Variants in PRSS23 observed in about 807,000 individuals in gnomAD.
PRSS23 encodes serine protease 23.
Under a neutral mutation model 34.7 loss-of-function variants are expected in PRSS23, and 25 were observed. That is an observed-to-expected ratio of 0.72 (90% confidence interval 0.53 to 1.01). The LOEUF is 1.01. Among genes scored for constraint, PRSS23 ranks in the 50% least tolerant of loss-of-function variants. PRSS23 has a pLI of 0.00. For missense variants in PRSS23, 445 were observed against 475.6 expected (o/e 0.94, Z 0.60); for synonymous variants, 176 against 186.6 (o/e 0.94, Z 0.46).
chr11:86,791,318 A>T (rs1429012896), intron 1 of PRSS23: 1 of 152,248 alleles, frequency 6.6e-6, no homozygotes, highest in African/African-American at 2.4e-5. Flanking sequence ...CAGGGCTTTG[A>T]AGTGAAAAGA....
At chr11:86,859,816 T>C (rs1216298183) in intron 2 of PRSS23, among the ~76,000 whole-genome samples, 2 of 152,052 alleles carry the variant, frequency 1.3e-5, no homozygotes, top group Non-Finnish European at 2.9e-5. Context: ...AAGAATGTTA[T>C]GACTCCCAAT....
intron 2 of PRSS23, chr11:86,948,583 T>C (rs1032945308): frequency 6.6e-6 from 1 of 152,148 alleles, no homozygotes; most frequent in African/African-American, 2.4e-5. Flanking sequence ...TCTGATCAAA[T>C]ACACTTTGCC....
chr11:86,867,802 A>G (rs1046297365), intron 2 of PRSS23, among the ~76,000 whole-genome samples: 8 of 150,044 alleles, frequency 5.3e-5, no homozygotes, highest in Admixed American at 4.0e-4. Context: ...GCTTGAGCCC[A>G]GGAGGCTAAG....
chr11:86,824,465 T>C (rs1042426716), intron 2 of PRSS23, among the ~76,000 whole-genome samples: 10 of 151,128 alleles, frequency 6.6e-5, no homozygotes, highest in African/African-American at 2.4e-4. Context: ...TTTTTATCTT[T>C]TTTTTTTTAA....
downstream of PRSS23, among the ~76,000 whole-genome samples, chr11:86,812,815 A>G (rs970144508): frequency 7.9e-4 from 120 of 151,958 alleles, no homozygotes; most frequent in Non-Finnish European, 1.4e-3. Context: ...GAAAAAGAAA[A>G]AGAAAAAAGA....
intron 2 of PRSS23, among the ~76,000 whole-genome samples, chr11:86,887,870 A>T (rs978326600): frequency 6.6e-6 from 1 of 152,116 alleles, no homozygotes; most frequent in Non-Finnish European, 1.5e-5. Flanking sequence ...TGCCCAACAC[A>T]GTGAAAATGT....
chr11:86,951,476 G>C (rs1212432211), exon 3 of PRSS23: 1 of 1,614,088 alleles, frequency 6.2e-7, no homozygotes, highest in East Asian at 2.2e-5. Flanking sequence ...TAACTTGTCT[G>C]TCTTTGTCCC....
chr11:86,900,926 A>G (rs1369961307), intron 2 of PRSS23, among the ~76,000 whole-genome samples: 1 of 151,760 alleles, frequency 6.6e-6, no homozygotes, highest in Admixed American at 6.6e-5. Flanking sequence ...CTAGGACTAC[A>G]GGCACCCACC....
At chr11:86,840,007 G>T (rs1948435734) in intron 2 of PRSS23, among the ~76,000 whole-genome samples, 1 of 151,810 alleles carries the variant, frequency 6.6e-6, no homozygotes, top group Non-Finnish European at 1.5e-5. Flanking sequence ...ATGCCAAATT[G>T]TAAAGACATC....
upstream of PRSS23, chr11:86,800,406 G>A: frequency 2.1e-6 from 2 of 969,768 alleles, no homozygotes; most frequent in Non-Finnish European, 1.2e-6. Context: ...GCGGCGAGGG[G>A]AGGGGGGCAC....
chr11:86,834,901 T>C (rs533308368), intron 2 of PRSS23, among the ~76,000 whole-genome samples: 4 of 152,340 alleles, frequency 2.6e-5, no homozygotes, highest in Admixed American at 6.5e-5. Flanking sequence ...TATTCCATTA[T>C]CACTGACCAC....
downstream of PRSS23, among the ~76,000 whole-genome samples, chr11:86,814,060 T>C (rs1948198375): frequency 6.6e-6 from 1 of 152,198 alleles, no homozygotes; most frequent in African/African-American, 2.4e-5. Flanking sequence ...TTTGCTGAGA[T>C]GGGAAAGACT....
At chr11:86,914,749 G>A (rs1274489708) in intron 2 of PRSS23, among the ~76,000 whole-genome samples, 2 of 152,176 alleles carry the variant, frequency 1.3e-5, no homozygotes, top group Non-Finnish European at 2.9e-5. Flanking sequence ...TGATTTGAAT[G>A]TGTTAAGTTT....
At chr11:86,847,506 A>T (rs1176644787) in intron 2 of PRSS23, among the ~76,000 whole-genome samples, 1 of 152,172 alleles carries the variant, frequency 6.6e-6, no homozygotes, top group Non-Finnish European at 1.5e-5. Flanking sequence ...ATGAGCTTTC[A>T]GCACAATTAG....
chr11:86,846,335 C>T (rs1948486195), intron 2 of PRSS23, among the ~76,000 whole-genome samples: 1 of 152,072 alleles, frequency 6.6e-6, no homozygotes, highest in Admixed American at 6.6e-5. Context: ...CCTGTCCTTC[C>T]TTAGAATTTG....
intron 2 of PRSS23, among the ~76,000 whole-genome samples, chr11:86,885,353 TC>T (rs1238696831): frequency 6.6e-6 from 1 of 152,246 alleles, no homozygotes; most frequent in African/African-American, 2.4e-5. Context: ...ATTTTCTGAT[TC>T]CATAAATTAG....
chr11:86,865,474 T>C (rs1398313268), intron 2 of PRSS23, among the ~76,000 whole-genome samples: 2 of 152,234 alleles, frequency 1.3e-5, no homozygotes, highest in African/African-American at 4.8e-5. Flanking sequence ...AAATGCTAAA[T>C]CCATGTTCTG....
At chr11:86,824,415 G>A (rs984670896) in intron 2 of PRSS23, among the ~76,000 whole-genome samples, 17 of 147,684 alleles carry the variant, frequency 1.2e-4, no homozygotes, top group African/African-American at 4.2e-4. Flanking sequence ...GAACAGTGGG[G>A]TGAGGCCTTT....
At position 86,945,858 on chromosome 11, in the gene PRSS23, GAA is replaced by G. The variant is rs371128840; in HGVS notation, c.207-5357_207-5356del. The G allele has an allele frequency of 3.4e-3, 518 of 152,674 alleles. 2 individuals are homozygous for G. Among genetic ancestry groups the G allele is most frequent in the African/African-American group, 0.012 (497 of 41,528 alleles). The allele number at this position is 152,674 out of a possible 1,614,324, so 9.5% of individuals were successfully genotyped here. On this transcript the variant is annotated intron_variant, in intron 2 of 2. Transcript: ENST00000533902. ...AATTCATTCAGGGCATGTGTAGCAG[GAA>G]GTTTGCCTGGTACCTCTTTGTCAAA...
Sources: gnomAD v4.1 joint callset for allele counts (sites outside exome capture counted in the v4.1 genomes callset) on GRCh38, gnomAD v4.1.1 for gene constraint, MANE v1.5 for transcripts, NCBI Gene and HGNC (gene_info 2026-07-23, HGNC 2026-07-21) for gene names.